Variants in LINGO2 observed in about 807,000 individuals in gnomAD.
LINGO2 encodes leucine rich repeat and Ig domain containing 2, also known as leucine-rich repeat and immunoglobulin-like domain-containing nogo receptor-interacting protein 2.
Under a neutral mutation model 30.6 loss-of-function variants are expected in LINGO2, and 14 were observed. The observed-to-expected ratio is 0.46, with a 90% CI of 0.30 to 0.72. The LOEUF is 0.72. LINGO2 is among the 30% of genes least tolerant of loss of function. LINGO2 has a pLI of 0.07. For missense variants in LINGO2, 729 were observed against 751.7 expected (o/e 0.97, Z 0.35); for synonymous variants, 317 against 288.5 (o/e 1.10, Z -1.00).
chr9:28,533,273 G>A (rs930347133), intron 1 of LINGO2, among the ~76,000 whole-genome samples: 2 of 152,040 alleles, frequency 1.3e-5, no homozygotes, highest in Non-Finnish European at 2.9e-5. Flanking sequence ...GTTTGCCTGG[G>A]GCTTTTGGGC....
chr9:28,161,367 T>A (rs949800906), intron 4 of LINGO2, among the ~76,000 whole-genome samples: 13 of 152,192 alleles, frequency 8.5e-5, no homozygotes, highest in African/African-American at 3.1e-4. Context: ...TATCTTTTTT[T>A]AGTATCATTA....
chr9:28,029,775 G>A (rs926857782), intron 4 of LINGO2, among the ~76,000 whole-genome samples: 2 of 152,002 alleles, frequency 1.3e-5, no homozygotes, highest in African/African-American at 4.8e-5. Flanking sequence ...ATAACATGTG[G>A]GAAGTTCTTA....
chr9:28,025,452 T>C (rs1399444406), intron 4 of LINGO2, among the ~76,000 whole-genome samples: 1 of 152,188 alleles, frequency 6.6e-6, no homozygotes, highest in Non-Finnish European at 1.5e-5. Context: ...GGACACTCTT[T>C]TCTCAGCTAA....
the LINGO2 span, among the ~76,000 whole-genome samples, chr9:28,757,354 C>A: frequency 2.6e-5 from 4 of 151,942 alleles, no homozygotes; most frequent in Non-Finnish European, 5.9e-5. Flanking sequence ...TGAACCCCTA[C>A]AATTACCCAG....
intron 4 of LINGO2, among the ~76,000 whole-genome samples, chr9:28,125,808 A>G (rs897019808): frequency 9.2e-5 from 14 of 152,338 alleles, no homozygotes; most frequent in African/African-American, 2.9e-4. Flanking sequence ...AGGCTGATCA[A>G]TCACTAAGAA....
intron 4 of LINGO2, among the ~76,000 whole-genome samples, chr9:28,283,057 G>A (rs962776638): frequency 5.3e-5 from 8 of 152,116 alleles, no homozygotes; most frequent in Admixed American, 6.6e-5. Context: ...GCCCTTTGTA[G>A]ATGGAACACA....
chr9:28,852,963 G>A, the LINGO2 span, among the ~76,000 whole-genome samples: 2 of 152,008 alleles, frequency 1.3e-5, no homozygotes, highest in Admixed American at 1.3e-4. Context: ...GTAGTGACCA[G>A]GGCTGAAATT....
chr9:28,197,973 T>G (rs1820073819), intron 4 of LINGO2, among the ~76,000 whole-genome samples: 1 of 151,950 alleles, frequency 6.6e-6, no homozygotes, highest in Non-Finnish European at 1.5e-5. Flanking sequence ...AATTTAATAA[T>G]GTACCATAGT....
At chr9:28,403,156 C>T (rs1304469039) in intron 2 of LINGO2, among the ~76,000 whole-genome samples, 10 of 152,126 alleles carry the variant, frequency 6.6e-5, no homozygotes, top group Non-Finnish European at 1.5e-4. Context: ...CTCTGCTGCT[C>T]CAGATTTGCC....
intron 5 of LINGO2, among the ~76,000 whole-genome samples, chr9:27,955,913 T>TC (rs1464768242): frequency 6.7e-6 from 1 of 148,396 alleles, no homozygotes; most frequent in Non-Finnish European, 1.5e-5. Flanking sequence ...GTGTTCCATA[T>TC]CCCCTTCGAC....
chr9:28,380,390 GT>G lies in LINGO2; in HGVS notation c.-278-7523del, dbSNP rs35512653. Among the ~76,000 whole-genome samples, 205 of 144,818 alleles carry G rather than the reference GT, an allele frequency of 1.4e-3. No individual in the cohort carries two copies. In the Middle Eastern group the frequency reaches 0.021, roughly 15 times the overall value. ...AATCATTGACTCAATGACTATAAAG[GT>G]TTTTTTTTTTTTCCAATGGTAAGAG... On this transcript the variant is annotated intron_variant, in intron 2 of 5. Transcript: ENST00000379992.
chr9:28,991,191 C>T, the LINGO2 span, among the ~76,000 whole-genome samples: 1 of 152,052 alleles, frequency 6.6e-6, no homozygotes, highest in Non-Finnish European at 1.5e-5. Flanking sequence ...GAGCTGAAAG[C>T]CATGGCTCGA....
At chr9:28,834,876 T>C in the LINGO2 span, among the ~76,000 whole-genome samples, 1 of 152,152 alleles carries the variant, frequency 6.6e-6, no homozygotes, top group Non-Finnish European at 1.5e-5. Flanking sequence ...TGGAACTAAT[T>C]AGAATAAAAG....
chr9:28,415,172 T>C (rs1690798776), intron 2 of LINGO2, among the ~76,000 whole-genome samples: 1 of 152,100 alleles, frequency 6.6e-6, no homozygotes. Flanking sequence ...TATTAATCAA[T>C]TCACGTGCTA....
intron 4 of LINGO2, among the ~76,000 whole-genome samples, chr9:28,055,521 C>T (rs568309515): frequency 6.6e-6 from 1 of 152,256 alleles, no homozygotes; most frequent in Non-Finnish European, 1.5e-5. Flanking sequence ...TAAGGTACTT[C>T]TGTGGATTGG....
the LINGO2 span, among the ~76,000 whole-genome samples, chr9:28,839,038 C>T: frequency 1.3e-5 from 2 of 152,146 alleles, no homozygotes; most frequent in African/African-American, 4.8e-5. Flanking sequence ...TGAGGTGGCG[C>T]CTGGAAACTT....
intron 3 of LINGO2, among the ~76,000 whole-genome samples, chr9:28,301,004 C>T (rs1235169365): frequency 6.6e-6 from 1 of 151,986 alleles, no homozygotes; most frequent in African/African-American, 2.4e-5. Flanking sequence ...TTTCCAAATA[C>T]TTCATATACT....
At chr9:28,521,901 A>G (rs901570736) in intron 1 of LINGO2, among the ~76,000 whole-genome samples, 4 of 152,212 alleles carry the variant, frequency 2.6e-5, no homozygotes, top group African/African-American at 9.6e-5. Flanking sequence ...TTATGTGGGC[A>G]CAAGCCAAGG....
At chr9:28,838,298 T>C in the LINGO2 span, among the ~76,000 whole-genome samples, 3 of 152,204 alleles carry the variant, frequency 2.0e-5, no homozygotes, top group Non-Finnish European at 4.4e-5. Context: ...GCCATTCATT[T>C]CATTATTTGT....
Sources: gnomAD v4.1 joint callset for allele counts (sites outside exome capture counted in the v4.1 genomes callset) on GRCh38, gnomAD v4.1.1 for gene constraint, MANE v1.5 for transcripts, NCBI Gene and HGNC (gene_info 2026-07-23, HGNC 2026-07-21) for gene names.